The following CEP162 variants were observed in gnomAD, a reference collection of about 807,000 sequenced individuals.
The protein encoded by CEP162 is centrosomal protein 162, also known as centrosomal protein of 162 kDa.
In CEP162, 141 loss-of-function variants were observed where a neutral mutation model predicts 169.2. The observed-to-expected ratio is 0.83, with a 90% CI of 0.73 to 0.96. The LOEUF is 0.96. Ranked by LOEUF, CEP162 falls within the 40% of genes least tolerant of loss-of-function variation. The probability of loss-of-function intolerance (pLI) is 0.00; values close to 1 mark genes in which losing one functional copy is unlikely to be tolerated. For missense variants in CEP162, 1,600 were observed against 1,587.2 expected (o/e 1.01, Z -0.14); for synonymous variants, 540 against 526.4 (o/e 1.03, Z -0.35).
chr6:84,181,144 A>ACC (rs1554170879), intron 13 of CEP162, among the ~76,000 whole-genome samples: 1 of 150,404 alleles, frequency 6.6e-6, no homozygotes, highest in African/African-American at 2.5e-5. Context: ...TGGTACTGGT[A>ACC]AAAAACAGAG....
chr6:84,194,369 A>G (rs2099541197), intron 10 of CEP162, among the ~76,000 whole-genome samples: 1 of 141,198 alleles, frequency 7.1e-6, no homozygotes, highest in Non-Finnish European at 1.6e-5. Context: ...AAAAAAAAAG[A>G]AAAGAAAAGA....
At chr6:84,156,773 A>ACACACACAC (rs57139625) in intron 21 of CEP162, among the ~76,000 whole-genome samples, 2,180 of 137,392 alleles carry the variant, frequency 0.016, 61 homozygotes, top group African/African-American at 0.059. Flanking sequence ...CACACACACA[A>ACACACACAC]ACACACTATT....
chr6:84,226,258 T>C, intron 2 of CEP162, 79 bp downstream of exon 2: 1 of 947,628 alleles, frequency 1.1e-6, no homozygotes, highest in Non-Finnish European at 1.7e-6. Flanking sequence ...GGACTAACTG[T>C]ATCTTCGAGA....
intron 11 of CEP162, among the ~76,000 whole-genome samples, chr6:84,189,621 G>C (rs183201249): frequency 0.024 from 3,679 of 152,314 alleles, 138 homozygotes; most frequent in African/African-American, 0.084. Flanking sequence ...CAGGGCTCGG[G>C]ACCTGCAGCC....
chr6:84,149,416 A>G, intron 24 of CEP162, 146 bp downstream of exon 24: 1 of 454,012 alleles, frequency 2.2e-6, no homozygotes, highest in South Asian at 6.9e-5. Flanking sequence ...TCTTTAAAAA[A>G]GAAATCAAGC....
At chr6:84,138,058 T>C (rs1391645235) in intron 25 of CEP162, among the ~76,000 whole-genome samples, 1 of 152,220 alleles carries the variant, frequency 6.6e-6, no homozygotes. Context: ...TGAAAACTTA[T>C]AAATCATTGC....
intron 25 of CEP162, among the ~76,000 whole-genome samples, chr6:84,136,782 T>A (rs2099514283): frequency 1.3e-5 from 2 of 152,092 alleles, no homozygotes; most frequent in African/African-American, 4.8e-5. Flanking sequence ...GCTGAGAGAG[T>A]TTAAAGACAC....
chr6:84,201,687 G>C, intron 8 of CEP162, 50 bp downstream of exon 8: 1 of 952,202 alleles, frequency 1.1e-6, no homozygotes, highest in East Asian at 2.8e-5. Context: ...ATGAAATTCT[G>C]AACAGACTAA....
At chr6:84,188,195 T>C (rs1331159223) in intron 11 of CEP162, among the ~76,000 whole-genome samples, 2 of 151,620 alleles carry the variant, frequency 1.3e-5, no homozygotes, top group African/African-American at 4.8e-5. Context: ...AGAAAAAAAT[T>C]AGAGGGACAA....
chr6:84,199,558 C>CA lies in CEP162; in HGVS notation c.835+1230dup, dbSNP rs11356971. On this transcript the variant is annotated intron_variant, in intron 9 of 26. Transcript: ENST00000403245. ...TATATATCAATTAAAAAGTAAAAAGCAAAAAAAAAAAAAAAAGAATGAAAT... is the reference window on the plus strand; with the variant it reads ...TATATATCAATTAAAAAGTAAAAAGCAAAAAAAAAAAAAAAAAGAATGAAAT... 5.8e-4 allele frequency among the ~76,000 whole-genome samples: 78 copies of CA among 134,216 alleles called. 1 individual carries two copies. Among genetic ancestry groups the CA allele is most frequent in the Admixed American group, 9.0e-4 (12 of 13,362 alleles). The allele number at this position is 134,216 out of a possible 152,430, so 88.1% of individuals were successfully genotyped here. A position where few individuals can be genotyped will look rare whatever the true frequency, so the allele number is the denominator to read the frequency against.
chr6:84,198,464 G>A (rs2127729256), intron 9 of CEP162, among the ~76,000 whole-genome samples: 1 of 152,196 alleles, frequency 6.6e-6, no homozygotes, highest in East Asian at 1.9e-4. Flanking sequence ...TTTTTTAGTA[G>A]AGACTAGGTT....
chr6:84,135,329 C>T (rs1488651377), intron 25 of CEP162, among the ~76,000 whole-genome samples: 1 of 152,076 alleles, frequency 6.6e-6, no homozygotes. Context: ...GTGATTCACC[C>T]AGATGATGTC....
At chr6:84,214,112 A>G (rs2099550613) in intron 5 of CEP162, among the ~76,000 whole-genome samples, 5 of 152,146 alleles carry the variant, frequency 3.3e-5, no homozygotes, top group Admixed American at 3.3e-4. Flanking sequence ...CCCCTTCTCT[A>G]CTAAAAAATA....
chr6:84,173,521 C>A (rs575321504), intron 16 of CEP162, among the ~76,000 whole-genome samples: 1 of 152,114 alleles, frequency 6.6e-6, no homozygotes, highest in African/African-American at 2.4e-5. Context: ...AGGCACACAG[C>A]AGGTGGTAGA....
At chr6:84,163,755 C>T (rs529784057) in intron 18 of CEP162, among the ~76,000 whole-genome samples, 1 of 152,002 alleles carries the variant, frequency 6.6e-6, no homozygotes, top group South Asian at 2.1e-4. Flanking sequence ...CACTTGAGGT[C>T]AGGAATTCGA....
intron 6 of CEP162, 54 bp from the exon 7 acceptor site, chr6:84,204,150 T>C (rs2099545782): frequency 3.7e-6 from 4 of 1,092,610 alleles, no homozygotes; most frequent in Admixed American, 2.2e-5. Flanking sequence ...AAAAGTCAAA[T>C]TCCAGGAAAA....
At chr6:84,184,744 C>T (rs1414225091) in intron 13 of CEP162, among the ~76,000 whole-genome samples, 2 of 151,922 alleles carry the variant, frequency 1.3e-5, no homozygotes, top group Non-Finnish European at 2.9e-5. Flanking sequence ...AATCAGATTT[C>T]AACAACTCCC....
intron 16 of CEP162, among the ~76,000 whole-genome samples, chr6:84,171,980 T>C (rs1215109347): frequency 6.6e-6 from 1 of 152,216 alleles, no homozygotes; most frequent in African/African-American, 2.4e-5. Flanking sequence ...TAAGGTCAGT[T>C]TAATGCACTG....
intron 22 of CEP162, among the ~76,000 whole-genome samples, chr6:84,154,375 TCTAC>T (rs567968934): frequency 0.028 from 3,797 of 137,568 alleles, 163 homozygotes; most frequent in African/African-American, 0.091. Context: ...TATCTATCTA[TCTAC>T]CTATCTATCT....
Sources: gnomAD v4.1 joint callset for allele counts (sites outside exome capture counted in the v4.1 genomes callset) on GRCh38, gnomAD v4.1.1 for gene constraint, MANE v1.5 for transcripts, NCBI Gene and HGNC (gene_info 2026-07-23, HGNC 2026-07-21) for gene names.